Variants in IRAK4 observed in about 807,000 individuals in gnomAD.
The protein encoded by IRAK4 is interleukin-1 receptor-associated kinase 4.
IRAK4 carries 44 observed loss-of-function variants against 51.8 expected under a neutral mutation model. That is an observed-to-expected ratio of 0.85 (90% CI 0.67 to 1.09). The LOEUF (loss-of-function observed/expected upper bound fraction) is 1.09. IRAK4 is among the 50% of genes least tolerant of loss of function. The pLI, the probability that IRAK4 is intolerant of heterozygous loss-of-function variation, is 0.00. For missense variants in IRAK4, 487 were observed against 538.0 expected (o/e 0.91, Z 0.94); for synonymous variants, 149 against 174.1 (o/e 0.86, Z 1.13).
chr12:43,774,142 T>A (rs1206517678), intron 6 of IRAK4, 113 bp downstream of exon 6: 3 of 755,982 alleles, frequency 4.0e-6, no homozygotes, highest in Non-Finnish European at 6.8e-6. Flanking sequence ...ATATATGAAA[T>A]TAAAATAAAG....
At position 43,768,151 on chromosome 12, in the gene IRAK4, C is replaced by T. The variant is rs748441973; in HGVS notation, c.40C>T (p.Leu14Phe). 1 of 1,613,584 alleles carries T rather than the reference C, an allele frequency of 6.2e-7. No homozygotes were observed. Among genetic ancestry groups the T allele is most frequent in the Non-Finnish European group, 8.5e-7 (1 of 1,179,694 alleles). Residue 14 changes from leucine (L) to phenylalanine (F), a missense_variant, in exon 2 of 12, where the codon CTC (leucine) becomes TTC (phenylalanine). By Grantham distance (22) the Leu-to-Phe change is conservative. Coordinates refer to ENST00000613694, the MANE Select transcript of IRAK4 (RefSeq NM_016123.4). Reference protein sequence around the residue: ...PITPSTYVRCLNVGLIRKLSD... With the variant: ...PITPSTYVRCFNVGLIRKLSD... ...AACACCATCAACATATGTGCGCTGC[C>T]TCAATGTTGGACTAATTAGGAAGCT... is the stretch of plus-strand genomic sequence containing the variant.
In IRAK4 at chr12:43,770,606, G is replaced by A. The variant is rs551782460; in HGVS notation, c.162-614G>A. On this transcript the variant is annotated intron_variant, in intron 2 of 11. Coordinates refer to ENST00000613694, the MANE Select transcript of IRAK4 (RefSeq NM_016123.4). The stretch of plus-strand genomic sequence containing the variant: ...CAGTAAATTATTATCATCATCTTTG[G>A]CATCTTTTTTCCTCCTATCTTTCCT... Among the ~76,000 whole-genome samples the A allele has an allele frequency of 2.2e-4, 33 of 152,134 alleles. 2 individuals are homozygous for A. The highest frequency in any genetic ancestry group is 7.5e-4 in the African/African-American group (31 of 41,484).
intron 8 of IRAK4, 113 bp downstream of exon 8, chr12:43,778,415 CCAT>C (rs1811811430): frequency 1.4e-6 from 1 of 692,018 alleles, no homozygotes; most frequent in Non-Finnish European, 2.7e-6. Context: ...GACTTTTTTC[CCAT>C]CACTCCATGA....
chr12:43,762,516 C>T (rs182532373), intron 1 of IRAK4, among the ~76,000 whole-genome samples: 5 of 152,246 alleles, frequency 3.3e-5, no homozygotes, highest in African/African-American at 1.2e-4. Context: ...TATAGGCAAC[C>T]TAGATACAAT....
Position 43,786,899 on chromosome 12 carries a change from G to T in IRAK4, c.*184G>T. Reference sequence around the variant, plus strand: ...AATAGAGCCACCATATCAACACTTAGCCCTACCCATTAGTATCACCCCCAG... The same window carrying T: ...AATAGAGCCACCATATCAACACTTATCCCTACCCATTAGTATCACCCCCAG... On this transcript the variant is annotated 3_prime_UTR_variant, in exon 12 of 12. Transcript: ENST00000613694. 1 of 611,570 alleles carries T rather than the reference G, an allele frequency of 1.6e-6. No homozygotes were observed. Among genetic ancestry groups the T allele is most frequent in the Non-Finnish European group, 2.9e-6 (1 of 346,562 alleles). The allele number at this position is 611,570 out of a possible 1,614,324, so 37.9% of individuals were successfully genotyped here. A position where few individuals can be genotyped will look rare whatever the true frequency, so the allele number is the denominator to read the frequency against.
rs529759570 is a variant in IRAK4 at position 43,783,453 on chromosome 12, G to T, written c.1126-209G>T. On this transcript the variant is annotated intron_variant, in intron 9 of 11. Transcript: ENST00000613694. Reference sequence around the variant, plus strand: ...TCACTTCAGCCTCCCAAGTAGCTGGGACTACAGGTGTGTGCCACCACACCC... The same window carrying T: ...TCACTTCAGCCTCCCAAGTAGCTGGTACTACAGGTGTGTGCCACCACACCC... 9.2e-5 allele frequency among the ~76,000 whole-genome samples: 14 copies of T among 152,186 alleles called. No homozygotes were observed. In the East Asian group the frequency reaches 2.7e-3, roughly 29 times the overall value.
At position 43,777,679 on chromosome 12, in the gene IRAK4, G is replaced by A. The variant is rs761277223; in HGVS notation, c.766G>A (p.Asp256Asn). ...VELLGFSSDG[D>N]DLCLVYVYMP... ...ACTACTTGGTTTCTCAAGTGATGGA[G>A]ATGACCTCTGCTTAGTATATGTTTA... Residue 256 changes from aspartate to asparagine, a missense_variant, in exon 7 of 12, where the codon GAT becomes AAT. Asp to Asn is a conservative substitution (Grantham distance 23). Transcript: ENST00000613694. The A allele has an allele frequency of 1.2e-6, 2 of 1,611,568 alleles. No individual in the cohort carries two copies. The highest frequency in any genetic ancestry group is 1.7e-5 in the Admixed American group (1 of 59,916).
chr12:43,777,733 C>T lies in IRAK4; in HGVS notation c.820C>T (p.Leu274Phe). Reference protein sequence around the residue: ...YMPNGSLLDRLSCLDGTPPLS... With the variant: ...YMPNGSLLDRFSCLDGTPPLS... ...GCCTAATGGTTCATTGCTAGACAGACTCTCTTGCTTGGTAAGCTATTTGTT... is the reference window on the plus strand; with the variant it reads ...GCCTAATGGTTCATTGCTAGACAGATTCTCTTGCTTGGTAAGCTATTTGTT... The change falls in exon 7 of 12, where the codon CTC becomes TTC. Residue 274 changes from leucine to phenylalanine, a missense_variant. Coordinates refer to ENST00000613694, the MANE Select transcript of IRAK4 (RefSeq NM_016123.4). 1 of 1,610,154 alleles carries T rather than the reference C, an allele frequency of 6.2e-7. No individual in the cohort carries two copies. Among genetic ancestry groups the T allele is most frequent in the Admixed American group, 1.7e-5 (1 of 59,992 alleles).
At chr12:43,779,113 A>G (rs757744327) in intron 8 of IRAK4, among the ~76,000 whole-genome samples, 6 of 152,198 alleles carry the variant, frequency 3.9e-5, no homozygotes, top group Non-Finnish European at 7.3e-5. Flanking sequence ...TCTACAAAAA[A>G]ACTAGTCAAA....
intron 1 of IRAK4, among the ~76,000 whole-genome samples, chr12:43,766,757 T>C (rs1291718160): frequency 1.3e-5 from 2 of 152,188 alleles, no homozygotes; most frequent in African/African-American, 2.4e-5. Flanking sequence ...GGAAATAATT[T>C]AGTTGTTCCA....
chr12:43,778,935 T>G (rs1941537238), intron 8 of IRAK4, among the ~76,000 whole-genome samples: 1 of 152,056 alleles, frequency 6.6e-6, no homozygotes, highest in Admixed American at 6.5e-5. Flanking sequence ...AGAAGAACAT[T>G]CTAGGCAGAA....
intron 2 of IRAK4, among the ~76,000 whole-genome samples, chr12:43,769,521 G>A (rs1265361533): frequency 6.6e-6 from 1 of 152,096 alleles, no homozygotes; most frequent in Admixed American, 6.5e-5. Flanking sequence ...GTGTGGTAGT[G>A]CACGCCTGTA....
intron 1 of IRAK4, among the ~76,000 whole-genome samples, chr12:43,761,555 C>T (rs1939559950): frequency 6.6e-6 from 1 of 151,894 alleles, no homozygotes; most frequent in Admixed American, 6.6e-5. Flanking sequence ...TTAGGTATTA[C>T]TATCTCTGTT....
rs573896154 is a variant in IRAK4, at chr12:43,762,151, T to C, written c.-10+3135T>C. ...ATAACCACGTTAATATTTTGGCTTA[T>C]GTTCTTGTAAGTATGTGGTTGGGAG... On this transcript the variant is annotated intron_variant, in intron 1 of 11. Coordinates refer to ENST00000613694, the MANE Select transcript of IRAK4 (RefSeq NM_016123.4). Among the ~76,000 whole-genome samples the C allele has an allele frequency of 3.4e-4, 52 of 152,354 alleles. No homozygotes were observed. In the South Asian group the frequency reaches 0.011, roughly 31 times the overall value.
chr12:43,768,359 T>TAC, intron 2 of IRAK4, 87 bp downstream of exon 2: 1 of 1,006,844 alleles, frequency 9.9e-7, no homozygotes, highest in South Asian at 1.6e-5. Context: ...AATGTGGCAG[T>TAC]TTAGAAAGTA....
Position 43,776,076 on chromosome 12 carries a change from G to A in IRAK4, c.717-1554G>A, listed in dbSNP as rs1268990570. Among the ~76,000 whole-genome samples, 3 of 151,510 alleles carry A rather than the reference G, an allele frequency of 2.0e-5. No homozygotes were observed. The East Asian group carries it at 5.8e-4, about 29-fold the overall frequency. ...TTGTTTTTGTATTTTTAGTAGAGACGGGGTTTCACCACGTTAGCCAGGATG... is the reference window on the plus strand; with the variant it reads ...TTGTTTTTGTATTTTTAGTAGAGACAGGGTTTCACCACGTTAGCCAGGATG... On this transcript the variant is annotated intron_variant, in intron 6 of 11. Coordinates refer to ENST00000613694, the MANE Select transcript of IRAK4 (RefSeq NM_016123.4).
intron 8 of IRAK4, among the ~76,000 whole-genome samples, chr12:43,781,524 C>A (rs903756580): frequency 1.3e-5 from 2 of 152,102 alleles, no homozygotes; most frequent in Admixed American, 1.3e-4. Context: ...CCTTTCTTTC[C>A]CTCATATAAC....
chr12:43,779,005 A>G (rs1941543001), intron 8 of IRAK4, among the ~76,000 whole-genome samples: 1 of 152,162 alleles, frequency 6.6e-6, no homozygotes, highest in South Asian at 2.1e-4. Flanking sequence ...GAGTTACAAG[A>G]AATGAAATAT....
At chr12:43,785,696 C>G (rs1046647525) in intron 10 of IRAK4, among the ~76,000 whole-genome samples, 1 of 149,888 alleles carries the variant, frequency 6.7e-6, no homozygotes, top group African/African-American at 2.5e-5. Flanking sequence ...GGAATACATT[C>G]CGAGAAATGT....
Sources: allele counts gnomAD v4.1 joint callset (sites outside exome capture counted in the v4.1 genomes callset), GRCh38; gene constraint gnomAD v4.1.1; transcripts MANE v1.5; gene names NCBI Gene and HGNC (gene_info 2026-07-23, HGNC 2026-07-21).